RPTOR: variants seen among roughly 807,000 people sequenced by gnomAD.
RPTOR encodes regulatory associated protein of MTOR complex 1.
Under a neutral mutation model 169.9 loss-of-function variants are expected in RPTOR, and 21 were observed. The observed-to-expected ratio is 0.12, with a 90% CI of 0.09 to 0.18. RPTOR has a LOEUF of 0.18. RPTOR is among the 10% of genes least tolerant of loss of function. The probability of loss-of-function intolerance (pLI) is 1.00; values close to 1 mark genes in which losing one functional copy is unlikely to be tolerated. For missense variants in RPTOR, 1,133 were observed against 1,855.9 expected, an observed-to-expected ratio of 0.61 and a Z score of 7.16; for synonymous variants, 732 against 753.2, an observed-to-expected ratio of 0.97 and a Z score of 0.46.
intron 1 of RPTOR, among the ~76,000 whole-genome samples, chr17:80,611,553 A>C (rs1177856979): frequency 6.6e-6 from 1 of 152,130 alleles, no homozygotes; most frequent in African/African-American, 2.4e-5. Context: ...AGGCGTGAGC[A>C]GGAGTGAGCC....
intron 4 of RPTOR, among the ~76,000 whole-genome samples, chr17:80,729,172 C>T (rs1295972577): frequency 1.3e-5 from 2 of 152,250 alleles, no homozygotes; most frequent in Non-Finnish European, 1.5e-5. Flanking sequence ...GCACGCCATA[C>T]TTCCCCAGGC....
intron 2 of RPTOR, among the ~76,000 whole-genome samples, chr17:80,634,056 GTGTGTGCATACTATGTA>G (rs1306097683): frequency 2.6e-5 from 4 of 152,204 alleles, no homozygotes; most frequent in African/African-American, 7.2e-5. Flanking sequence ...GGAAATGCAT[GTGTGTGCATACTATGTA>G]TGTGTGCATA....
intron 2 of RPTOR, among the ~76,000 whole-genome samples, chr17:80,637,761 T>G (rs1449949246): frequency 6.6e-6 from 1 of 152,234 alleles, no homozygotes; most frequent in African/African-American, 2.4e-5. Context: ...TGTGTGGAAA[T>G]TCTGTCATCC....
At chr17:80,664,866 A>C (rs1452172873) in intron 3 of RPTOR, among the ~76,000 whole-genome samples, 1 of 152,152 alleles carries the variant, frequency 6.6e-6, no homozygotes, top group Non-Finnish European at 1.5e-5. Context: ...TACTTTTCTA[A>C]ATTTTATGTT....
chr17:80,850,006 C>T (rs557479785), intron 11 of RPTOR, among the ~76,000 whole-genome samples: 10 of 152,328 alleles, frequency 6.6e-5, no homozygotes, highest in African/African-American at 2.2e-4. Flanking sequence ...TTTTCTTCTT[C>T]TTTCTTTTTC....
At chr17:80,608,282 C>T (rs2065243004) in intron 1 of RPTOR, among the ~76,000 whole-genome samples, 1 of 152,210 alleles carries the variant, frequency 6.6e-6, no homozygotes, top group Non-Finnish European at 1.5e-5. Flanking sequence ...CATTTCCCTC[C>T]TTTCCTTAGG....
chr17:80,546,984 G>C (rs1219124803), intron 1 of RPTOR, among the ~76,000 whole-genome samples: 3 of 152,194 alleles, frequency 2.0e-5, no homozygotes, highest in Non-Finnish European at 4.4e-5. Flanking sequence ...CTGGAGAATC[G>C]CTTGAACCTG....
chr17:80,593,054 G>T (rs1425410861), intron 1 of RPTOR, among the ~76,000 whole-genome samples: 1 of 152,192 alleles, frequency 6.6e-6, no homozygotes, highest in East Asian at 1.9e-4. Context: ...CACAGACTGC[G>T]ATCTGCTGGT....
At chr17:80,684,647 G>A (rs7209576) in intron 3 of RPTOR, among the ~76,000 whole-genome samples, 61,566 of 151,620 alleles carry the variant, frequency 0.41, 13,028 homozygotes, top group East Asian at 0.57. Context: ...GGGTTTCACC[G>A]TGTTAGCCAG....
At chr17:80,724,947 A>G (rs1311406028) in intron 4 of RPTOR, among the ~76,000 whole-genome samples, 2 of 152,158 alleles carry the variant, frequency 1.3e-5, no homozygotes, top group Non-Finnish European at 2.9e-5. Context: ...ATGCCTTGCC[A>G]CCACGCCCCT....
At chr17:80,931,368 A>T (rs1167875345) in intron 24 of RPTOR, among the ~76,000 whole-genome samples, 3 of 152,226 alleles carry the variant, frequency 2.0e-5, no homozygotes, top group African/African-American at 7.2e-5. Context: ...AGGGGCCAGC[A>T]GGGAGAAATG....
At chr17:80,572,501 A>G (rs1468150695) in intron 1 of RPTOR, among the ~76,000 whole-genome samples, 3 of 152,052 alleles carry the variant, frequency 2.0e-5, no homozygotes, top group Non-Finnish European at 4.4e-5. Context: ...TATATTTTGA[A>G]TATGTATTAT....
chr17:80,678,118 G>T (rs1309859684), intron 3 of RPTOR, among the ~76,000 whole-genome samples: 7 of 152,204 alleles, frequency 4.6e-5, no homozygotes, highest in Non-Finnish European at 1.0e-4. Flanking sequence ...ATCCAACATG[G>T]AATTCCTGAT....
intron 5 of RPTOR, among the ~76,000 whole-genome samples, chr17:80,741,267 C>G (rs1378016256): frequency 2.0e-5 from 3 of 152,182 alleles, no homozygotes; most frequent in Admixed American, 6.5e-5. Flanking sequence ...ACACTCCTCC[C>G]TGGCAGTGTG....
intron 10 of RPTOR, among the ~76,000 whole-genome samples, chr17:80,842,122 C>T (rs181112761): frequency 2.0e-5 from 3 of 152,244 alleles, no homozygotes; most frequent in Non-Finnish European, 4.4e-5. Flanking sequence ...TTCATGTGTC[C>T]CTTCTAGGGC....
Position 80,880,510 on chromosome 17 carries a change from T to C in RPTOR, c.1584+21T>C, listed in dbSNP as rs374796665. On this transcript the variant is annotated intron_variant, in intron 14 of 33. Coordinates refer to ENST00000306801, the MANE Select transcript of RPTOR (RefSeq NM_020761.3). ...TGCCAGTAAGGACGGGGCAGCACGC[T>C]CTCCACGGGCTTGGGACTCAGCACT... The C allele has an allele frequency of 5.7e-5, 92 of 1,611,606 alleles. No homozygotes were observed. The Middle Eastern group carries it at 1.2e-3, about 20-fold the overall frequency.
intron 1 of RPTOR, among the ~76,000 whole-genome samples, chr17:80,563,316 C>T (rs575743665): frequency 1.3e-5 from 2 of 151,552 alleles, no homozygotes; most frequent in East Asian, 1.9e-4. Context: ...GGGTGGATCA[C>T]GAGGTCAGGA....
intron 5 of RPTOR, among the ~76,000 whole-genome samples, chr17:80,734,300 C>CCGAT (rs1038744691): frequency 6.6e-6 from 1 of 152,248 alleles, no homozygotes; most frequent in African/African-American, 2.4e-5. Flanking sequence ...CCTCGCTCAG[C>CCGAT]CGATCGTGCC....
chr17:80,797,702 C>T lies in RPTOR; in HGVS notation c.890+6193C>T, dbSNP rs74001054. Among the ~76,000 whole-genome samples the T allele has an allele frequency of 4.3e-3, 659 of 152,328 alleles. 8 individuals are homozygous for T. Among genetic ancestry groups the T allele is most frequent in the African/African-American group, 0.015 (635 of 41,570 alleles). ...CTGTGGTTTTTACAGTCAGAGGACA[C>T]TCCTATAAAAAATACCTCGTTATTT... On this transcript the variant is annotated intron_variant, in intron 7 of 33. Transcript: ENST00000306801.
Sources: allele counts gnomAD v4.1 joint callset (sites outside exome capture counted in the v4.1 genomes callset), GRCh38; gene constraint gnomAD v4.1.1; transcripts MANE v1.5; gene names NCBI Gene and HGNC (gene_info 2026-07-23, HGNC 2026-07-21).